ARHGAP35: variants seen among roughly 807,000 people sequenced by gnomAD.
ARHGAP35 encodes the protein Rho GTPase activating protein 35.
ARHGAP35 carries 15 observed loss-of-function variants against 111.1 expected under a neutral mutation model. The ratio of observed to expected loss-of-function variants is 0.13; its 90% CI spans 0.09 to 0.21. The LOEUF (loss-of-function observed/expected upper bound fraction) is 0.21. Ranked by LOEUF, ARHGAP35 falls within the 10% of genes least tolerant of loss-of-function variation. ARHGAP35 has a pLI of 1.00. For synonymous variants in ARHGAP35, 643 were observed against 710.3 expected (o/e 0.91, Z 1.51); for missense variants, 1,262 against 1,873.0 (o/e 0.67, Z 6.02).
chr19:46,896,956 C>T (rs1484203727), intron 1 of ARHGAP35, among the ~76,000 whole-genome samples: 6 of 151,978 alleles, frequency 3.9e-5, no homozygotes, highest in Admixed American at 2.0e-4. Flanking sequence ...TGCATTGGCG[C>T]GATCTTAGCT....
In ARHGAP35 at chr19:46,922,093, A is replaced by G. The variant is rs1232399091; in HGVS notation, c.3418A>G (p.Thr1140Ala). 45 of 1,613,906 alleles carry G rather than the reference A, an allele frequency of 2.8e-5. No homozygotes were observed. The highest frequency in any genetic ancestry group is 3.7e-5 in the Non-Finnish European group (44 of 1,179,894). Reference protein sequence around the residue: ...SGNGSDSEMDTSSLERGRKVS... With the variant: ...SGNGSDSEMDASSLERGRKVS... ...GAATGGTTCTGACAGTGAAATGGAC[A>G]CCAGCTCTCTAGAGCGAGGGCGCAA... The change falls in exon 2 of 7, where the codon ACC becomes GCC. Residue 1140 changes from threonine (T) to alanine (A), a missense_variant. Physicochemically the swap from Thr to Ala is moderately conservative, Grantham distance 58. Transcript: ENST00000672722. This position sits in a 1 kb window ranked among gnomAD's most constrained non-coding sequence, Gnocchi z 4.0.
At chr19:46,976,453 C>T (rs1312637118) in intron 3 of ARHGAP35, among the ~76,000 whole-genome samples, 2 of 152,202 alleles carry the variant, frequency 1.3e-5, no homozygotes, top group Non-Finnish European at 2.9e-5. Context: ...TGGCACACCG[C>T]CTGGAGAGCC....
Position 46,916,007 on chromosome 19 carries a change from T to C in ARHGAP35, c.-188-2481T>C, listed in dbSNP as rs1005765270. ...CTGGAGTGCAGTGGCGTGTCTCGGC[T>C]CACTGCAAGCTCCACCTCCCGGGTT... On this transcript the variant is annotated intron_variant, in intron 1 of 6. Coordinates refer to ENST00000672722, the MANE Select transcript of ARHGAP35 (RefSeq NM_004491.5). Among the ~76,000 whole-genome samples, 4 of 146,512 alleles carry C rather than the reference T, an allele frequency of 2.7e-5. No homozygotes were observed. In the East Asian group the frequency reaches 8.3e-4, roughly 30 times the overall value.
chr19:46,925,995 G>T (rs1272911839), intron 2 of ARHGAP35, among the ~76,000 whole-genome samples: 3 of 152,160 alleles, frequency 2.0e-5, no homozygotes, highest in Non-Finnish European at 4.4e-5. Context: ...TGGTCTAGCT[G>T]AGGGCTTGAG....
chr19:46,963,942 A>T (rs890251524), intron 3 of ARHGAP35, among the ~76,000 whole-genome samples: 10 of 151,800 alleles, frequency 6.6e-5, no homozygotes, highest in Non-Finnish European at 1.5e-4. Flanking sequence ...ATCTCGGCTC[A>T]CTGCAATGTC....
In ARHGAP35 at chr19:46,938,331, C is replaced by A. The variant is rs535982350; in HGVS notation, c.3826+923C>A. ...GGATGTTGTAAAGCAGGGAAGATGG[C>A]TTTATTTATTATTTTATTTTTATTT... On this transcript the variant is annotated intron_variant, in intron 3 of 6. Transcript: ENST00000672722. Among the ~76,000 whole-genome samples, 11 of 152,144 alleles carry A rather than the reference C, an allele frequency of 7.2e-5. No individual in the cohort carries two copies. In the South Asian group the frequency reaches 2.3e-3, roughly 32 times the overall value.
At chr19:46,955,106 G>C (rs773296665) in intron 3 of ARHGAP35, among the ~76,000 whole-genome samples, 2 of 152,078 alleles carry the variant, frequency 1.3e-5, no homozygotes, top group Non-Finnish European at 2.9e-5. Flanking sequence ...TATTATTGTC[G>C]TTTCAATATC....
Position 46,919,511 on chromosome 19 carries a change from G to C in ARHGAP35, c.836G>C (p.Trp279Ser), listed in dbSNP as rs1304922703. 1 of 1,613,850 alleles carries C rather than the reference G, an allele frequency of 6.2e-7. No homozygotes were observed. Among genetic ancestry groups the C allele is most frequent in the Admixed American group, 1.7e-5 (1 of 60,002 alleles). The change falls in exon 2 of 7, where the codon TGG becomes TCG. Residue 279 changes from tryptophan (W) to serine (S), a missense_variant. Around this residue, in one of 8 missense-constraint regions of ARHGAP35, gnomAD observed 328 missense variants for 440.8 expected, o/e 0.74. Coordinates refer to ENST00000672722, the MANE Select transcript of ARHGAP35 (RefSeq NM_004491.5). The surrounding 1 kb of genome is among the most constrained non-coding windows in gnomAD (Gnocchi z 6.2). The stretch of plus-strand genomic sequence containing the variant: ...GCTACAGCAAAAGACAAGTATGAGT[G>C]GCTGGTGAGTCGCATTGTGAAAAAC... ...QIATAKDKYE[W>S]LVSRIVKNHN...
chr19:46,920,345 A>G lies in ARHGAP35; in HGVS notation c.1670A>G (p.Glu557Gly). Residue 557 changes from glutamate to glycine, a missense_variant, in exon 2 of 7, where the codon GAG (glutamate) becomes GGG (glycine). Around this residue, in one of 8 missense-constraint regions of ARHGAP35, gnomAD observed 328 missense variants for 440.8 expected, o/e 0.74. Transcript: ENST00000672722. This position sits in a 1 kb window ranked among gnomAD's most constrained non-coding sequence, Gnocchi z 7.0. The part of the protein sequence containing the change: ...HIHFVYHPTK[E>G]TCPSCPACVD... ...CATTTTGTGTACCACCCAACAAAGG[A>G]GACATGCCCCAGCTGCCCAGCTTGT... is the stretch of plus-strand genomic sequence containing the variant. The G allele has an allele frequency of 6.2e-7, 1 of 1,614,002 alleles. No homozygotes were observed. The highest frequency in any genetic ancestry group is 8.5e-7 in the Non-Finnish European group (1 of 1,179,896).
At chr19:46,946,021 C>G (rs1048173250) in intron 3 of ARHGAP35, among the ~76,000 whole-genome samples, 3 of 152,214 alleles carry the variant, frequency 2.0e-5, no homozygotes, top group African/African-American at 4.8e-5. Flanking sequence ...CCCATCTTCT[C>G]TCTTGAGTTA....
intron 1 of ARHGAP35, among the ~76,000 whole-genome samples, chr19:46,902,266 A>G (rs997391018): frequency 3.9e-4 from 60 of 152,328 alleles, no homozygotes; most frequent in African/African-American, 1.2e-3. Context: ...CTCTGGAAGA[A>G]TATTAGTTGG....
chr19:46,913,031 C>T (rs1267181076), intron 1 of ARHGAP35, among the ~76,000 whole-genome samples: 2 of 151,608 alleles, frequency 1.3e-5, no homozygotes, highest in Non-Finnish European at 2.9e-5. Context: ...ACTTCCTTTG[C>T]TTGTAGTTCT....
chr19:46,985,285 T>TA (rs2056643151), intron 3 of ARHGAP35, among the ~76,000 whole-genome samples: 1 of 152,026 alleles, frequency 6.6e-6, no homozygotes, highest in Non-Finnish European at 1.5e-5. Flanking sequence ...GCACAGGGGG[T>TA]ACGGGTGTGC....
chr19:46,962,104 G>A (rs1400347477), intron 3 of ARHGAP35, among the ~76,000 whole-genome samples: 4 of 152,098 alleles, frequency 2.6e-5, no homozygotes, highest in Non-Finnish European at 1.5e-5. Context: ...TTGATCTGTG[G>A]GTGCTGTTTA....
In ARHGAP35 at chr19:46,992,180, C is replaced by A. The variant is rs979833437; in HGVS notation, c.4036+2505C>A. On this transcript the variant is annotated intron_variant, in intron 5 of 6. Coordinates refer to ENST00000672722, the MANE Select transcript of ARHGAP35 (RefSeq NM_004491.5). The surrounding 1 kb of genome is among the most constrained non-coding windows in gnomAD (Gnocchi z 4.4). ...CCGGCTCTCCACGAGGCACTTGATT[C>A]CCACCACTGATCTTCCTTTGAGGAA... Among the ~76,000 whole-genome samples, 1 of 152,176 alleles carries A rather than the reference C, an allele frequency of 6.6e-6. No homozygotes were observed. Among genetic ancestry groups the A allele is most frequent in the African/African-American group, 2.4e-5 (1 of 41,444 alleles).
At position 47,000,844 on chromosome 19, in the gene ARHGAP35, A is replaced by G; in HGVS notation, c.*156A>G. 1 of 1,538,886 alleles carries G rather than the reference A, an allele frequency of 6.5e-7. No individual in the cohort carries two copies. The highest frequency in any genetic ancestry group is 8.7e-7 in the Non-Finnish European group (1 of 1,146,798). The stretch of plus-strand genomic sequence containing the variant: ...CTCAGTGGGAGCACCAGCCAATGGT[A>G]CCATCGGCTGGGCTGCCAGGTACCC... On this transcript the variant is annotated 3_prime_UTR_variant, in exon 7 of 7. Transcript: ENST00000672722. This position sits in a 1 kb window ranked among gnomAD's most constrained non-coding sequence, Gnocchi z 6.9.
At chr19:46,954,065 C>A (rs2056426230) in intron 3 of ARHGAP35, among the ~76,000 whole-genome samples, 1 of 152,144 alleles carries the variant, frequency 6.6e-6, no homozygotes, top group Non-Finnish European at 1.5e-5. Context: ...GCTTGCTCTC[C>A]TCCCTCTGCC....
In ARHGAP35 at chr19:46,899,721, A is replaced by G. The variant is rs1260857542; in HGVS notation, c.-188-18767A>G. On this transcript the variant is annotated intron_variant, in intron 1 of 6. Coordinates refer to ENST00000672722, the MANE Select transcript of ARHGAP35 (RefSeq NM_004491.5). ...TACAAAAAAAAACAAAAACAAAAACAAAAACAAAAAAAAAAAGAAGAAGAT... is the reference window on the plus strand; with the variant it reads ...TACAAAAAAAAACAAAAACAAAAACGAAAACAAAAAAAAAAAGAAGAAGAT... 8.0e-5 allele frequency among the ~76,000 whole-genome samples: 12 copies of G among 150,086 alleles called. No individual in the cohort carries two copies. The East Asian group carries it at 2.1e-3, about 27-fold the overall frequency.
At chr19:46,969,813 C>T (rs2056534766) in intron 3 of ARHGAP35, among the ~76,000 whole-genome samples, 1 of 152,130 alleles carries the variant, frequency 6.6e-6, no homozygotes, top group South Asian at 2.1e-4. Flanking sequence ...GATTCGAGGA[C>T]TTTGTTTTTC....
Sources: allele counts gnomAD v4.1 joint callset (sites outside exome capture counted in the v4.1 genomes callset), GRCh38; gene constraint gnomAD v4.1.1; regional missense constraint gnomAD v4.1.1; non-coding constraint Gnocchi (gnomAD v3.1); transcripts MANE v1.5; gene names NCBI Gene and HGNC (gene_info 2026-07-23, HGNC 2026-07-21).